The following GFAP variants were observed in gnomAD, a reference collection of about 807,000 sequenced individuals.
GFAP encodes intermediate filament protein.
In GFAP, 38 loss-of-function variants were observed where a neutral mutation model predicts 49.3. The ratio of observed to expected loss-of-function variants is 0.77; its 90% CI spans 0.60 to 1.01. The LOEUF (loss-of-function observed/expected upper bound fraction) is 1.01. Among genes scored for constraint, GFAP ranks in the 50% least tolerant of loss-of-function variants. The probability of loss-of-function intolerance (pLI) is 0.00; values close to 1 mark genes in which losing one functional copy is unlikely to be tolerated. For synonymous variants in GFAP, 222 were observed against 236.4 expected (o/e 0.94, Z 0.56); for missense variants, 463 against 579.1 (o/e 0.80, Z 2.06).
chr17:44,915,000 G>C (rs373464137), intron 1 of GFAP, 26 bp downstream of exon 1: 9 of 1,584,972 alleles, frequency 5.7e-6, no homozygotes, highest in Non-Finnish European at 7.7e-6. Flanking sequence ...TGCTCACAAG[G>C]CCCCCCTTCC....
chr17:44,911,820 G>T, intron 4 of GFAP, 23 bp from the exon 5 acceptor site: 2 of 1,606,184 alleles, frequency 1.2e-6, no homozygotes, highest in Non-Finnish European at 8.5e-7. Flanking sequence ...CACATATGGG[G>T]GGCTGTGTGG....
chr17:44,904,562 A>G lies in GFAP; in HGVS notation c.*2785T>C, dbSNP rs2051621073. The G allele has an allele frequency of 5.2e-6, 8 of 1,550,588 alleles. No individual in the cohort carries two copies. The highest frequency in any genetic ancestry group is 6.1e-6 in the Non-Finnish European group (7 of 1,146,992). ...TCGGAGCTGCTTAGTACCCTGTGAG[A>G]AGACAAAGACCATCCGGGAGGGCGT... On this transcript the variant is annotated 3_prime_UTR_variant, in exon 9 of 9. Transcript: ENST00000588735.
chr17:44,914,762 T>C, intron 1 of GFAP: 1 of 550,250 alleles, frequency 1.8e-6, no homozygotes, highest in Admixed American at 3.2e-5. Context: ...GCCCCGCTGC[T>C]CCTGCACTGC....
chr17:44,913,326 C>G lies in GFAP; in HGVS notation c.723G>C (p.Gln241His), dbSNP rs1456844578. The change falls in exon 4 of 9, where the codon CAG (glutamine) becomes CAC (histidine). Residue 241 changes from glutamine to histidine, a missense_variant. This residue lies in a region of GFAP where 362 missense variants were observed against 445.5 expected (regional missense o/e 0.81). Transcript: ENST00000588735. ...TGTTGCTGGACGCCATTGCCTCATA[C>G]TGCGTGCGGATCTCTTTCAGGGCTG... ...LTAALKEIRT[Q>H]YEAMASSNMH... is the part of the protein sequence containing the mutation. The G allele has an allele frequency of 6.2e-7, 1 of 1,614,080 alleles. No homozygotes were observed. Among genetic ancestry groups the G allele is most frequent in the Non-Finnish European group, 8.5e-7 (1 of 1,180,028 alleles).
rs180750421 is a variant in GFAP, at chr17:44,905,130, G to C, written c.*2217C>G. ...TCAATGTGTTTGTTAAATGATACCA[G>C]ATGTCTCTGGGTGGGTACCCTGGGT... On this transcript the variant is annotated 3_prime_UTR_variant, in exon 9 of 9. Coordinates refer to ENST00000588735, the MANE Select transcript of GFAP (RefSeq NM_002055.5). The C allele has an allele frequency of 7.4e-7, 1 of 1,351,522 alleles. No individual in the cohort carries two copies. Among genetic ancestry groups the C allele is most frequent in the African/African-American group, 1.5e-5 (1 of 68,610 alleles). 83.7% of individuals were successfully genotyped at this position (1,351,522 alleles called of 1,614,324 possible).
rs376110896 is a variant in GFAP at position 44,915,093 on chromosome 17, C to T, written c.394G>A (p.Ala132Thr). ...TCAACCTCCAGCCGGGCGCTGTTGG[C>T]GGTGAGTTGATCGAGCCGCAGCCGC... is the stretch of plus-strand genomic sequence containing the variant. ...ELRLRLDQLT[A>T]NSARLEVERD... The change falls in exon 1 of 9, where the codon GCC becomes ACC. Residue 132 changes from alanine (A) to threonine (T), a missense_variant. By Grantham distance (58) the Ala-to-Thr change is moderately conservative (BLOSUM62 0). Around this residue, in one of 3 missense-constraint regions of GFAP, gnomAD observed 362 missense variants for 445.5 expected, o/e 0.81. Coordinates refer to ENST00000588735, the MANE Select transcript of GFAP (RefSeq NM_002055.5). The surrounding 1 kb of genome is among the most constrained non-coding windows in gnomAD (Gnocchi z 4.1). 57 of 1,613,496 alleles carry T rather than the reference C, an allele frequency of 3.5e-5. No individual in the cohort carries two copies. In the Middle Eastern group the frequency reaches 5.0e-4, roughly 14 times the overall value.
In GFAP at chr17:44,915,067, C is replaced by T. The variant is rs777531651; in HGVS notation, c.420G>A (p.Glu140=). 1 of 1,613,218 alleles carries T rather than the reference C, an allele frequency of 6.2e-7. No homozygotes were observed. The highest frequency in any genetic ancestry group is 8.5e-7 in the Non-Finnish European group (1 of 1,180,018). The change falls in exon 1 of 9, where the codon GAG becomes GAA. Residue 140 remains glutamate (E), a synonymous_variant. Transcript: ENST00000588735. This position sits in a 1 kb window ranked among gnomAD's most constrained non-coding sequence, Gnocchi z 4.1. ...LTANSARLEV[E]RDNLAQDLAT... ...CCAGGTCCTGTGCCAGATTGTCCCT[C>T]TCAACCTCCAGCCGGGCGCTGTTGG...
chr17:44,910,559 C>T (rs2051737271), intron 7 of GFAP, 56 bp downstream of exon 7: 1 of 1,556,144 alleles, frequency 6.4e-7, no homozygotes. Context: ...ACCTACAGGC[C>T]CTGGAGGAGG....
chr17:44,913,165 G>A, intron 4 of GFAP, 104 bp downstream of exon 4: 1 of 1,133,460 alleles, frequency 8.8e-7, no homozygotes, highest in Non-Finnish European at 1.3e-6. Flanking sequence ...CAGTCACCTG[G>A]AGAGGATATT....
chr17:44,910,337 A>G (rs2051731535), intron 7 of GFAP: 6 of 1,612,602 alleles, frequency 3.7e-6, no homozygotes, highest in Non-Finnish European at 4.2e-6. Context: ...ATCTGCAGAC[A>G]GGGCAGATGT....
chr17:44,913,979 C>T, intron 2 of GFAP, 49 bp downstream of exon 2: 2 of 1,380,940 alleles, frequency 1.4e-6, no homozygotes. Context: ...GGGTGGGTGG[C>T]CATCAATCCT....
At chr17:44,908,330 G>A (rs1227567751) in intron 7 of GFAP, 181 bp from the exon 8 acceptor site, 17 of 367,148 alleles carry the variant, frequency 4.6e-5, no homozygotes. Flanking sequence ...CAATAGTGCT[G>A]CTGCCAGAGT....
rs1270786749 is a variant in GFAP at position 44,905,326 on chromosome 17, G to A, written c.*2021C>T. ...ATGTGTTTCCTGACTTCACATTTAGGTCAGAGAAGGAAAGTGTGAACTCAG... is the reference window on the plus strand; with the variant it reads ...ATGTGTTTCCTGACTTCACATTTAGATCAGAGAAGGAAAGTGTGAACTCAG... On this transcript the variant is annotated 3_prime_UTR_variant, in exon 9 of 9. Transcript: ENST00000588735. 4.0e-6 allele frequency: 2 copies of A among 498,074 alleles called. No individual in the cohort carries two copies. The highest frequency in any genetic ancestry group is 3.9e-5 in the African/African-American group (2 of 51,560). The allele number at this position is 498,074 out of a possible 1,614,324, so 30.9% of individuals were successfully genotyped here. A position where few individuals can be genotyped will look rare whatever the true frequency, so the allele number is the denominator to read the frequency against.
At position 44,915,380 on chromosome 17, in the gene GFAP, C is replaced by T. The variant is rs375709542; in HGVS notation, c.107G>A (p.Arg36His). 4.0e-5 allele frequency: 65 copies of T among 1,608,112 alleles called. No individual in the cohort carries two copies. The highest frequency in any genetic ancestry group is 1.1e-4 in the East Asian group (5 of 44,796). Residue 36 changes from arginine to histidine, a missense_variant, in exon 1 of 9, where the codon CGC (arginine) becomes CAC (histidine). By Grantham distance (29) the Arg-to-His change is conservative (BLOSUM62 0). Coordinates refer to ENST00000588735, the MANE Select transcript of GFAP (RefSeq NM_002055.5). This position sits in a 1 kb window ranked among gnomAD's most constrained non-coding sequence, Gnocchi z 4.1. ...AGGGGGCATTCGAGCCAGGGAGAGG[C>T]GGGTGCCAGGACCCAGACGGCGGCC... ...APGRRLGPGT[R>H]LSLARMPPPL... is the part of the protein sequence containing the mutation.
intron 5 of GFAP, 25 bp from the exon 6 acceptor site, chr17:44,911,481 C>G (rs780204154): frequency 1.2e-5 from 19 of 1,580,724 alleles, no homozygotes; most frequent in Admixed American, 1.7e-5. Context: ...CGGCCGGTCC[C>G]GCGGAGCCCC....
chr17:44,908,115 G>A lies in GFAP; in HGVS notation c.1206C>T (p.Gly402=). 6.2e-7 allele frequency: 1 copy of A among 1,609,620 alleles called. No individual in the cohort carries two copies. Among genetic ancestry groups the A allele is most frequent in the Non-Finnish European group, 8.5e-7 (1 of 1,176,122 alleles). The part of the protein sequence containing the change: ...TSLDTKSVSE[G]HLKRNIVVKT... ...TCACCACGATGTTCCTCTTGAGGTG[G>A]CCTTCTGACACAGACTTGGTGTCCA... is the stretch of plus-strand genomic sequence containing the variant. Residue 402 remains glycine, a synonymous_variant, in exon 8 of 9, where the codon GGC becomes GGT. Coordinates refer to ENST00000588735, the MANE Select transcript of GFAP (RefSeq NM_002055.5).
chr17:44,910,617 C>G lies in GFAP; in HGVS notation c.1169G>C (p.Arg390Pro). 1.9e-6 allele frequency: 3 copies of G among 1,578,546 alleles called. No homozygotes were observed. The highest frequency in any genetic ancestry group is 2.6e-6 in the Non-Finnish European group (3 of 1,161,688). ...CCACGAGGCCCTGCTGTACTGACCT[C>G]GAATCTGCAGGTTGGAGAAGGTCTG... ...PVQTFSNLQI[R>P]ETSLDTKSVS... Residue 390 changes from arginine (R) to proline (P), a missense_variant and splice_region_variant, in exon 7 of 9, where the codon CGA becomes CCA. Around this residue, in one of 3 missense-constraint regions of GFAP, gnomAD observed 362 missense variants for 445.5 expected, o/e 0.81. Coordinates refer to ENST00000588735, the MANE Select transcript of GFAP (RefSeq NM_002055.5).
rs774799414 is a variant in GFAP, at chr17:44,915,081, G to C, written c.406C>G (p.Arg136Gly). ...RLDQLTANSA[R>G]LEVERDNLAQ... is the part of the protein sequence containing the mutation. ...AGATTGTCCCTCTCAACCTCCAGCCGGGCGCTGTTGGCGGTGAGTTGATCG... is the reference window on the plus strand; with the variant it reads ...AGATTGTCCCTCTCAACCTCCAGCCCGGCGCTGTTGGCGGTGAGTTGATCG... Residue 136 changes from arginine to glycine, a missense_variant, in exon 1 of 9, where the codon CGG (arginine) becomes GGG (glycine). Coordinates refer to ENST00000588735, the MANE Select transcript of GFAP (RefSeq NM_002055.5). This position sits in a 1 kb window ranked among gnomAD's most constrained non-coding sequence, Gnocchi z 4.1. 1.4e-5 allele frequency: 23 copies of C among 1,613,340 alleles called. No homozygotes were observed. The South Asian group carries it at 2.4e-4, about 17-fold the overall frequency.
At chr17:44,909,990 G>A in intron 7 of GFAP, 2 of 1,524,246 alleles carry the variant, frequency 1.3e-6, no homozygotes. Context: ...CCTGGGCTGG[G>A]CACTGCAGTT....
Sources: gnomAD v4.1 joint callset for allele counts on GRCh38, gnomAD v4.1.1 for gene constraint, gnomAD v4.1.1 regional missense constraint, Gnocchi (gnomAD v3.1) non-coding constraint, MANE v1.5 for transcripts, NCBI Gene and HGNC (gene_info 2026-07-23, HGNC 2026-07-21) for gene names.